Variants in BIRC6 observed in about 807,000 individuals in gnomAD.
BIRC6 encodes dual E2 ubiquitin-conjugating enzyme/E3 ubiquitin-protein ligase BIRC6.
In BIRC6, 98 loss-of-function variants were observed where a neutral mutation model predicts 503.3. The observed-to-expected ratio is 0.19, with a 90% CI of 0.17 to 0.23. BIRC6 has a LOEUF of 0.23. Among genes scored for constraint, BIRC6 ranks in the 10% least tolerant of loss-of-function variants. The pLI, the probability that BIRC6 is intolerant of heterozygous loss-of-function variation, is 1.00. For missense variants in BIRC6, 5,360 were observed against 5,806.0 expected (o/e 0.92, Z 2.50); for synonymous variants, 2,240 against 2,078.7 (o/e 1.08, Z -2.11).
chr2:32,505,557 A>G (rs1017455203), intron 50 of BIRC6, among the ~76,000 whole-genome samples: 2 of 152,180 alleles, frequency 1.3e-5, no homozygotes, highest in African/African-American at 4.8e-5. Flanking sequence ...CCTCAGTCCT[A>G]GCCTTGTAAT....
chr2:32,472,993 T>C (rs1419304727), intron 32 of BIRC6, 119 bp from the exon 33 acceptor site: 2 of 825,762 alleles, frequency 2.4e-6, no homozygotes, highest in African/African-American at 3.6e-5. Context: ...GTTTTTCTTA[T>C]TAAAACTGCT....
intron 23 of BIRC6, among the ~76,000 whole-genome samples, chr2:32,461,580 A>G (rs1043750750): frequency 2.0e-5 from 3 of 151,654 alleles, no homozygotes; most frequent in Admixed American, 6.6e-5. Context: ...CTGCACTGTA[A>G]TGAGTGGTGT....
chr2:32,402,060 G>T (rs1265758901), intron 8 of BIRC6, among the ~76,000 whole-genome samples: 2 of 152,204 alleles, frequency 1.3e-5, no homozygotes, highest in East Asian at 3.8e-4. Flanking sequence ...ATGACCTGAG[G>T]TGAGGCAAGA....
intron 23 of BIRC6, among the ~76,000 whole-genome samples, chr2:32,462,412 C>G (rs771669276): frequency 6.6e-6 from 1 of 152,052 alleles, no homozygotes; most frequent in Non-Finnish European, 1.5e-5. Flanking sequence ...TCAAAGAAAT[C>G]TGTTGTAGGG....
intron 23 of BIRC6, among the ~76,000 whole-genome samples, chr2:32,460,999 T>TC (rs573735660): frequency 2.0e-3 from 40 of 20,216 alleles, no homozygotes; most frequent in East Asian, 7.5e-3. Context: ...TCTGCTCTGC[T>TC]CTCTTCTCTT....
chr2:32,510,790 A>G (rs952785408), intron 53 of BIRC6, among the ~76,000 whole-genome samples, 156 bp downstream of exon 53: 1 of 152,252 alleles, frequency 6.6e-6, no homozygotes, highest in African/African-American at 2.4e-5. Flanking sequence ...AACTTCTGCA[A>G]GTATTCATGA....
chr2:32,532,974 A>G (rs780676969), intron 61 of BIRC6, among the ~76,000 whole-genome samples: 2 of 152,164 alleles, frequency 1.3e-5, no homozygotes, highest in Non-Finnish European at 2.9e-5. Context: ...TTTGAGTAGC[A>G]TGATTTAAAA....
At chr2:32,589,610 T>C (rs959330457) in intron 66 of BIRC6, among the ~76,000 whole-genome samples, 1 of 152,182 alleles carries the variant, frequency 6.6e-6, no homozygotes, top group Admixed American at 6.5e-5. Flanking sequence ...GTTATACCCA[T>C]ATATTTCTTT....
chr2:32,401,966 G>A (rs1457980802), intron 8 of BIRC6, among the ~76,000 whole-genome samples: 2 of 152,144 alleles, frequency 1.3e-5, no homozygotes, highest in Non-Finnish European at 2.9e-5. Flanking sequence ...TCTTTTCATA[G>A]AGCATTCGAA....
At chr2:32,582,815 G>C (rs2060771352) in intron 66 of BIRC6, among the ~76,000 whole-genome samples, 1 of 152,032 alleles carries the variant, frequency 6.6e-6, no homozygotes, top group Admixed American at 6.6e-5. Context: ...AGGAACTCAG[G>C]ATTAACACTG....
At chr2:32,413,290 C>T (rs2042085325) in intron 9 of BIRC6, among the ~76,000 whole-genome samples, 1 of 150,604 alleles carries the variant, frequency 6.6e-6, no homozygotes, top group Non-Finnish European at 1.5e-5. Flanking sequence ...AAGCGATTTT[C>T]CAGCCCCAGC....
chr2:32,391,806 C>G (rs967680112), intron 4 of BIRC6, among the ~76,000 whole-genome samples: 1 of 152,194 alleles, frequency 6.6e-6, no homozygotes, highest in African/African-American at 2.4e-5. Flanking sequence ...TAATCTACCC[C>G]TGGAGTTGTT....
At chr2:32,411,272 C>G (rs1418001752) in intron 9 of BIRC6, among the ~76,000 whole-genome samples, 2 of 150,962 alleles carry the variant, frequency 1.3e-5, no homozygotes, top group Non-Finnish European at 3.0e-5. Flanking sequence ...CTCCTGACCT[C>G]AGGTGATCCA....
chr2:32,578,994 TTAATA>T (rs200759436), intron 66 of BIRC6, among the ~76,000 whole-genome samples: 1 of 27,380 alleles, frequency 3.7e-5, no homozygotes, highest in East Asian at 3.6e-4. Flanking sequence ...ATATATACAC[TTAATA>T]TATATATATA....
intron 45 of BIRC6, 52 bp from the exon 46 acceptor site, chr2:32,499,495 T>G: frequency 7.1e-7 from 1 of 1,399,684 alleles, no homozygotes; most frequent in Non-Finnish European, 9.5e-7. Flanking sequence ...CTTTCTCTTG[T>G]TGTATCTCTC....
At chr2:32,468,827 G>C in intron 29 of BIRC6, 44 bp downstream of exon 29, 3 of 1,399,318 alleles carry the variant, frequency 2.1e-6, no homozygotes, top group Non-Finnish European at 2.9e-6. Flanking sequence ...GAATATACTT[G>C]ATGTGATTTC....
Position 32,388,958 on chromosome 2 carries a change from A to G in BIRC6, c.839+15A>G. On this transcript the variant is annotated intron_variant, in intron 4 of 73. Coordinates refer to ENST00000421745, the MANE Select transcript of BIRC6 (RefSeq NM_016252.4). The stretch of plus-strand genomic sequence containing the variant: ...TCTGTAGACAGGTATGAACCTTGCT[A>G]ACAAAGGTGACAGTGAGATAGAATT... The G allele has an allele frequency of 7.2e-7, 1 of 1,394,478 alleles. No individual in the cohort carries two copies. Among genetic ancestry groups the G allele is most frequent in the Non-Finnish European group, 9.4e-7 (1 of 1,059,090 alleles). The allele number at this position is 1,394,478 out of a possible 1,614,324, so 86.4% of individuals were successfully genotyped here.
chr2:32,409,541 A>G (rs1181243669), intron 9 of BIRC6, among the ~76,000 whole-genome samples: 1 of 152,198 alleles, frequency 6.6e-6, no homozygotes, highest in Non-Finnish European at 1.5e-5. Context: ...AGGTTTGAAG[A>G]TATCTAAGAG....
At chr2:32,432,274 G>A (rs1303178468) in intron 12 of BIRC6, among the ~76,000 whole-genome samples, 1 of 152,066 alleles carries the variant, frequency 6.6e-6, no homozygotes, top group Non-Finnish European at 1.5e-5. Context: ...AAAGTAGCTG[G>A]GTGTGGTGGT....
Sources: allele counts gnomAD v4.1 joint callset (sites outside exome capture counted in the v4.1 genomes callset), GRCh38; gene constraint gnomAD v4.1.1; transcripts MANE v1.5; gene names NCBI Gene and HGNC (gene_info 2026-07-23, HGNC 2026-07-21).